The following HS6ST3 variants were observed in gnomAD, a reference collection of about 807,000 sequenced individuals.
HS6ST3 encodes the protein heparan sulfate 6-O-sulfotransferase 3, also known as heparan-sulfate 6-O-sulfotransferase 3.
Under a neutral mutation model 36.7 loss-of-function variants are expected in HS6ST3, and 12 were observed. That is an observed-to-expected ratio of 0.33 (90% CI 0.21 to 0.53). The LOEUF (loss-of-function observed/expected upper bound fraction) is 0.53, where lower values mean the gene tolerates loss of function less well. Among genes scored for constraint, HS6ST3 ranks in the 20% least tolerant of loss-of-function variants. The probability of loss-of-function intolerance (pLI) is 0.95; values close to 1 mark genes in which losing one functional copy is unlikely to be tolerated. For synonymous variants in HS6ST3, 240 were observed against 257.5 expected, an observed-to-expected ratio of 0.93 and a Z score of 0.65; for missense variants, 584 against 640.9, an observed-to-expected ratio of 0.91 and a Z score of 0.96.
chr13:96,329,304 C>G (rs1002950561), intron 1 of HS6ST3, among the ~76,000 whole-genome samples: 1 of 143,320 alleles, frequency 7.0e-6, no homozygotes, highest in Non-Finnish European at 1.5e-5. Context: ...TTCCTGCTTT[C>G]TCTTGTGGGC....
At chr13:96,095,724 T>G (rs1047028565) in intron 1 of HS6ST3, among the ~76,000 whole-genome samples, 1 of 152,196 alleles carries the variant, frequency 6.6e-6, no homozygotes, top group African/African-American at 2.4e-5. Flanking sequence ...CTTCTCTTAG[T>G]TCCAGTTTGA....
chr13:96,468,882 G>A (rs2055827464), intron 1 of HS6ST3, among the ~76,000 whole-genome samples: 1 of 152,114 alleles, frequency 6.6e-6, no homozygotes, highest in Non-Finnish European at 1.5e-5. Flanking sequence ...GGGCATTTTC[G>A]ATGACTTTTC....
chr13:96,559,651 C>T (rs1043848661), intron 1 of HS6ST3, among the ~76,000 whole-genome samples: 2 of 152,072 alleles, frequency 1.3e-5, no homozygotes, highest in Admixed American at 6.5e-5. Context: ...ATGAGAATAA[C>T]CCAGGTGCTG....
At position 96,681,761 on chromosome 13, in the gene HS6ST3, A is replaced by G. The variant is rs186495220; in HGVS notation, c.708-150729A>G. On this transcript the variant is annotated intron_variant, in intron 1 of 1. Transcript: ENST00000376705. ...TCCCCCTTTTCCCTGCAGTAAGTCT[A>G]CATAGCCCAGTTTTTAAACCACTAA... Among the ~76,000 whole-genome samples, 22 of 152,254 alleles carry G rather than the reference A, an allele frequency of 1.4e-4. No homozygotes were observed. The East Asian group carries it at 4.3e-3, about 29-fold the overall frequency.
At chr13:96,676,585 C>G (rs1371902423) in intron 1 of HS6ST3, among the ~76,000 whole-genome samples, 3 of 152,152 alleles carry the variant, frequency 2.0e-5, no homozygotes, top group Non-Finnish European at 2.9e-5. Flanking sequence ...TCCCAAATTG[C>G]TTAATGATTC....
chr13:96,567,996 C>T (rs1290631072), intron 1 of HS6ST3, among the ~76,000 whole-genome samples: 1 of 152,152 alleles, frequency 6.6e-6, no homozygotes, highest in African/African-American at 2.4e-5. Context: ...GCATATAATG[C>T]AACAAGAACT....
rs182956965 is a variant in HS6ST3 at position 96,116,169 on chromosome 13, C to T, written c.707+24600C>T. 4.3e-4 allele frequency among the ~76,000 whole-genome samples: 66 copies of T among 152,280 alleles called. 2 individuals are homozygous for T. In the Middle Eastern group the frequency reaches 0.034, roughly 78 times the overall value. ...AGAACCTGGTCAGCTTCCGGGAACT[C>T]GGCCGCAGGAATTAGCTCTCCTTCA... On this transcript the variant is annotated intron_variant, in intron 1 of 1. Coordinates refer to ENST00000376705, the MANE Select transcript of HS6ST3 (RefSeq NM_153456.4).
intron 1 of HS6ST3, among the ~76,000 whole-genome samples, chr13:96,542,526 G>A (rs1488660889): frequency 6.6e-6 from 1 of 152,106 alleles, no homozygotes; most frequent in Non-Finnish European, 1.5e-5. Context: ...TTGGGAAGGG[G>A]GAACTTGTTC....
At chr13:96,759,613 CAT>C (rs1312124580) in intron 1 of HS6ST3, among the ~76,000 whole-genome samples, 2 of 151,818 alleles carry the variant, frequency 1.3e-5, no homozygotes, top group Non-Finnish European at 2.9e-5. Context: ...TTTAAATCTA[CAT>C]ATGTTGTTAA....
chr13:96,245,211 A>G (rs2054579056), intron 1 of HS6ST3, among the ~76,000 whole-genome samples: 2 of 152,164 alleles, frequency 1.3e-5, no homozygotes, highest in Non-Finnish European at 2.9e-5. Flanking sequence ...TCCCTCTGTC[A>G]TCATATTGAG....
chr13:96,103,237 T>C lies in HS6ST3; in HGVS notation c.707+11668T>C, dbSNP rs1429190989. Among the ~76,000 whole-genome samples the C allele has an allele frequency of 2.0e-5, 3 of 152,308 alleles. No homozygotes were observed. In the East Asian group the frequency reaches 5.8e-4, roughly 29 times the overall value. On this transcript the variant is annotated intron_variant, in intron 1 of 1. Coordinates refer to ENST00000376705, the MANE Select transcript of HS6ST3 (RefSeq NM_153456.4). Reference sequence around the variant, plus strand: ...TCCAAGAAGAAATCAAACTACCAAATTCATGGCAAAGAGAACTTCTGCATT... The same window carrying C: ...TCCAAGAAGAAATCAAACTACCAAACTCATGGCAAAGAGAACTTCTGCATT...
chr13:96,565,772 T>C (rs1487324113), intron 1 of HS6ST3, among the ~76,000 whole-genome samples: 1 of 152,052 alleles, frequency 6.6e-6, no homozygotes, highest in South Asian at 2.1e-4. Context: ...AGCTCAGCAG[T>C]CAACAAACCC....
At position 96,090,889 on chromosome 13, in the gene HS6ST3, G is replaced by A. The variant is rs868042949; in HGVS notation, c.27G>A (p.Leu9=). The A allele has an allele frequency of 6.6e-7, 1 of 1,512,378 alleles. No homozygotes were observed. 93.7% of individuals were successfully genotyped at this position (1,512,378 alleles called of 1,614,324 possible). A position where few individuals can be genotyped will look rare whatever the true frequency, so the allele number is the denominator to read the frequency against. The change falls in exon 1 of 2, where the codon CTG becomes CTA. Residue 9 remains leucine, a synonymous_variant. Transcript: ENST00000376705. ...TGGATGAAAGGTTCAACAAGTGGCT[G>A]CTGACGCCGGTGCTCACTCTCCTCT... MDERFNKW[L]LTPVLTLLFV...
At chr13:96,454,520 A>C (rs183422650) in intron 1 of HS6ST3, among the ~76,000 whole-genome samples, 1 of 152,328 alleles carries the variant, frequency 6.6e-6, no homozygotes, top group Non-Finnish European at 1.5e-5. Flanking sequence ...ACTATATGTC[A>C]GATCAATGTT....
intron 1 of HS6ST3, among the ~76,000 whole-genome samples, chr13:96,231,526 G>C (rs2139367781): frequency 6.6e-6 from 1 of 152,068 alleles, no homozygotes; most frequent in East Asian, 1.9e-4. Flanking sequence ...GGGAGGGGAG[G>C]TGCTACACCC....
intron 1 of HS6ST3, among the ~76,000 whole-genome samples, chr13:96,257,328 C>T (rs945540705): frequency 6.6e-6 from 1 of 152,154 alleles, no homozygotes; most frequent in Non-Finnish European, 1.5e-5. Flanking sequence ...ATACAGAGCT[C>T]TGTGATTCAA....
At chr13:96,759,373 T>G (rs915107849) in intron 1 of HS6ST3, among the ~76,000 whole-genome samples, 1 of 151,894 alleles carries the variant, frequency 6.6e-6, no homozygotes, top group Admixed American at 6.6e-5. Context: ...CCTTTCTTGC[T>G]TTCTTTTGGA....
At chr13:96,251,770 C>G (rs1464352684) in intron 1 of HS6ST3, among the ~76,000 whole-genome samples, 1 of 152,016 alleles carries the variant, frequency 6.6e-6, no homozygotes, top group Non-Finnish European at 1.5e-5. Flanking sequence ...TCATTTATCT[C>G]AAGATATTTT....
At chr13:96,601,114 C>T (rs1299511772) in intron 1 of HS6ST3, among the ~76,000 whole-genome samples, 1 of 152,034 alleles carries the variant, frequency 6.6e-6, no homozygotes, top group Non-Finnish European at 1.5e-5. Flanking sequence ...TCCATGTCGA[C>T]TTTAGATAGC....
Sources: gnomAD v4.1 joint callset for allele counts (sites outside exome capture counted in the v4.1 genomes callset) on GRCh38, gnomAD v4.1.1 for gene constraint, MANE v1.5 for transcripts, NCBI Gene and HGNC (gene_info 2026-07-23, HGNC 2026-07-21) for gene names.